The following LRTM1 variants were observed in gnomAD, a reference collection of about 807,000 sequenced individuals.
LRTM1 encodes the protein leucine-rich repeat and transmembrane domain-containing protein 1.
In LRTM1, 38 loss-of-function variants were observed where a neutral mutation model predicts 32.4. That is an observed-to-expected ratio of 1.17 (90% CI 0.91 to 1.54). LRTM1 has a LOEUF of 1.54. Ranked by LOEUF, LRTM1 falls within the 40% of genes most tolerant of loss-of-function variation. LRTM1 has a pLI of 0.00. For missense variants in LRTM1, 466 were observed against 415.4 expected (o/e 1.12, Z -1.06); for synonymous variants, 186 against 169.9 (o/e 1.09, Z -0.74).
intron 1 of LRTM1, among the ~76,000 whole-genome samples, chr3:54,958,958 A>C (rs1399310255): frequency 6.6e-6 from 1 of 151,848 alleles, no homozygotes; most frequent in Non-Finnish European, 1.5e-5. Flanking sequence ...ACAAAAATTG[A>C]GGCATGGTGG....
chr3:54,951,343 C>T (rs756079160), intron 1 of LRTM1, among the ~76,000 whole-genome samples: 2 of 152,316 alleles, frequency 1.3e-5, no homozygotes, highest in Non-Finnish European at 2.9e-5. Flanking sequence ...TCTTTCACAG[C>T]ACTATAGTAA....
chr3:54,966,670 T>G (rs1391889400), intron 1 of LRTM1, among the ~76,000 whole-genome samples: 6 of 151,986 alleles, frequency 3.9e-5, no homozygotes, highest in African/African-American at 1.5e-4. Context: ...AATACAAAAA[T>G]TAGCCAGGTG....
intron 1 of LRTM1, among the ~76,000 whole-genome samples, chr3:54,964,891 G>A (rs1219093895): frequency 1.3e-5 from 2 of 151,466 alleles, no homozygotes; most frequent in South Asian, 4.2e-4. Flanking sequence ...GCTCAATCCC[G>A]TTACTCTCGA....
chr3:54,938,723 A>G (rs1479542286), intron 1 of LRTM1, among the ~76,000 whole-genome samples: 1 of 150,548 alleles, frequency 6.6e-6, no homozygotes, highest in Non-Finnish European at 1.5e-5. Context: ...TTTTATTTTT[A>G]AAAACGTCTT....
chr3:54,954,797 A>G (rs1053756755), intron 1 of LRTM1, among the ~76,000 whole-genome samples: 3 of 152,202 alleles, frequency 2.0e-5, no homozygotes, highest in African/African-American at 4.8e-5. Flanking sequence ...GGAATGCTTT[A>G]GCTGAGGGAA....
chr3:54,945,393 A>G (rs148194721), intron 1 of LRTM1, among the ~76,000 whole-genome samples: 24 of 152,260 alleles, frequency 1.6e-4, no homozygotes, highest in South Asian at 4.2e-4. Context: ...CCTGTCTTCA[A>G]ATGCCATCTC....
chr3:54,958,472 TAGAAGTGTCTC>T (rs1404704409), intron 1 of LRTM1, among the ~76,000 whole-genome samples: 1 of 152,212 alleles, frequency 6.6e-6, no homozygotes, highest in Non-Finnish European at 1.5e-5. Flanking sequence ...TTGATAGTCT[TAGAAGTGTCTC>T]AGAAAGAGGA....
intron 2 of LRTM1, 65 bp downstream of exon 2, chr3:54,924,554 A>G: frequency 1.5e-6 from 2 of 1,311,606 alleles, no homozygotes; most frequent in Non-Finnish European, 2.2e-6. Context: ...TAATGCAGAG[A>G]ACAGATGAGA....
chr3:54,946,225 C>T (rs1346586990), intron 1 of LRTM1, among the ~76,000 whole-genome samples: 10 of 152,230 alleles, frequency 6.6e-5, no homozygotes, highest in Non-Finnish European at 1.2e-4. Flanking sequence ...CCACCCCTAG[C>T]TTCAGGCTGC....
In LRTM1 at chr3:54,923,675, C is replaced by G. The variant is rs552932438; in HGVS notation, c.604+944G>C. 1.1e-4 allele frequency among the ~76,000 whole-genome samples: 16 copies of G among 152,306 alleles called. No homozygotes were observed. In the South Asian group the frequency reaches 3.3e-3, roughly 32 times the overall value. ...CACTCAAATATAGAAATGAATGAAT[C>G]ATGCTGAGAGCTAGGAAGAGTGAAG... On this transcript the variant is annotated intron_variant, in intron 2 of 2. Transcript: ENST00000273286.
intron 1 of LRTM1, among the ~76,000 whole-genome samples, chr3:54,936,777 A>G (rs1701339562): frequency 2.0e-5 from 3 of 152,192 alleles, no homozygotes. Context: ...CTTAGCTTTC[A>G]TCATGAAGCA....
At chr3:54,932,261 C>A (rs1575386857), upstream of LRTM1, among the ~76,000 whole-genome samples, 1 of 151,756 alleles carries the variant, frequency 6.6e-6, no homozygotes, top group Non-Finnish European at 1.5e-5. Flanking sequence ...AAGTGGGAGG[C>A]AAAATAAAGC....
At chr3:54,949,392 G>A (rs1037913587) in intron 1 of LRTM1, among the ~76,000 whole-genome samples, 1 of 152,176 alleles carries the variant, frequency 6.6e-6, no homozygotes, top group Non-Finnish European at 1.5e-5. Context: ...AAAAGTAACA[G>A]CTGTCTATTA....
At chr3:54,926,713 G>A (rs1433347704) in intron 1 of LRTM1, among the ~76,000 whole-genome samples, 1 of 152,188 alleles carries the variant, frequency 6.6e-6, no homozygotes, top group Non-Finnish European at 1.5e-5. Flanking sequence ...CATGGTGAGA[G>A]CATGCCACAT....
intron 1 of LRTM1, among the ~76,000 whole-genome samples, chr3:54,933,613 A>C (rs1259057686): frequency 6.6e-6 from 1 of 152,222 alleles, no homozygotes; most frequent in Non-Finnish European, 1.5e-5. Flanking sequence ...TTCTGCCTCC[A>C]CATTTTATTG....
At chr3:54,963,493 C>A (rs1262495367) in intron 1 of LRTM1, among the ~76,000 whole-genome samples, 1 of 152,182 alleles carries the variant, frequency 6.6e-6, no homozygotes, top group African/African-American at 2.4e-5. Flanking sequence ...AACTAAGGAA[C>A]TAAATTGTGA....
chr3:54,918,994 CCT>C lies in LRTM1; in HGVS notation c.605-104_605-103del, dbSNP rs199911752. On this transcript the variant is annotated intron_variant, in intron 2 of 2. Coordinates refer to ENST00000273286, the MANE Select transcript of LRTM1 (RefSeq NM_020678.4). ...TTAGGCAGATGGAATTTATGAAGTA[CCT>C]TTTTTTTTTTTAAATCCTGGAGTCA... 4.7e-3 allele frequency: 4,126 copies of C among 871,168 alleles called. 113 individuals are homozygous for C. The African/African-American group carries it at 0.076, about 16-fold the overall frequency. The allele number at this position is 871,168 out of a possible 1,614,324, so 54.0% of individuals were successfully genotyped here. A position where few individuals can be genotyped will look rare whatever the true frequency, so the allele number is the denominator to read the frequency against.
intron 1 of LRTM1, among the ~76,000 whole-genome samples, chr3:54,956,495 C>A (rs1701896540): frequency 6.6e-6 from 1 of 152,170 alleles, no homozygotes; most frequent in Admixed American, 6.5e-5. Flanking sequence ...GCCACATGGT[C>A]TTAACGTTCT....
chr3:54,949,190 G>T (rs1276096350), intron 1 of LRTM1, among the ~76,000 whole-genome samples: 1 of 152,114 alleles, frequency 6.6e-6, no homozygotes, highest in Non-Finnish European at 1.5e-5. Flanking sequence ...TATAGTTTTG[G>T]TCAGTGCCTA....
Sources: allele counts gnomAD v4.1 joint callset (sites outside exome capture counted in the v4.1 genomes callset), GRCh38; gene constraint gnomAD v4.1.1; transcripts MANE v1.5; gene names NCBI Gene and HGNC (gene_info 2026-07-23, HGNC 2026-07-21).